Variants in SYN2 observed in about 807,000 individuals in gnomAD.
SYN2 encodes the protein synapsin II, also known as synapsin-2.
SYN2 carries 19 observed loss-of-function variants against 50.9 expected under a neutral mutation model. The ratio of observed to expected loss-of-function variants is 0.37; its 90% CI spans 0.26 to 0.55. SYN2 has a LOEUF of 0.55. Among genes scored for constraint, SYN2 ranks in the 20% least tolerant of loss-of-function variants. The pLI, the probability that SYN2 is intolerant of heterozygous loss-of-function variation, is 0.81. For synonymous variants in SYN2, 255 were observed against 224.9 expected, an observed-to-expected ratio of 1.13 and a Z score of -1.20; for missense variants, 587 against 576.4, an observed-to-expected ratio of 1.02 and a Z score of -0.19.
At position 12,048,957 on chromosome 3, in the gene SYN2, C is replaced by T. The variant is rs143395578; in HGVS notation, c.377+44029C>T. 1.0e-3 allele frequency among the ~76,000 whole-genome samples: 153 copies of T among 152,188 alleles called. 2 individuals are homozygous for T. In the East Asian group the frequency reaches 0.023, roughly 23 times the overall value. Reference sequence around the variant, plus strand: ...ACTTGCAGACCTAAACCGTGGGAACCTATATGTCAGTCTTTTCAGTTCTGT... The same window carrying T: ...ACTTGCAGACCTAAACCGTGGGAACTTATATGTCAGTCTTTTCAGTTCTGT... On this transcript the variant is annotated intron_variant, in intron 1 of 12. Transcript: ENST00000621198.
At chr3:12,190,400 G>A (rs553910017) in intron 12 of SYN2, 90 bp from the exon 13 acceptor site, 3 of 1,461,004 alleles carry the variant, frequency 2.1e-6, no homozygotes, top group Admixed American at 1.8e-5. Context: ...AGGGAGTGGG[G>A]GTTCTAGCTG....
rs144202224 is a variant in SYN2 at position 12,097,328 on chromosome 3, C to T, written c.378-43323C>T. ...TTAAGAAAATGTGGCACATAATGGC[C>T]GGGTGCGGTGGCTAATGCTTGTAAT... On this transcript the variant is annotated intron_variant, in intron 1 of 12. Coordinates refer to ENST00000621198, the MANE Select transcript of SYN2 (RefSeq NM_133625.6). Among the ~76,000 whole-genome samples the T allele has an allele frequency of 7.0e-3, 1,061 of 152,222 alleles. 10 individuals carry two copies. Among genetic ancestry groups the T allele is most frequent in the African/African-American group, 0.024 (1,012 of 41,548 alleles).
In SYN2 at chr3:12,120,954, C is replaced by T. The variant is rs532048834; in HGVS notation, c.378-19697C>T. Among the ~76,000 whole-genome samples, 60 of 152,276 alleles carry T rather than the reference C, an allele frequency of 3.9e-4. 1 individual carries two copies. In the South Asian group the frequency reaches 0.012, roughly 31 times the overall value. ...TCTGAATTTCCAACCTTGCGCAATC[C>T]CCCTCTGTTATAGTATCATAACTTT... On this transcript the variant is annotated intron_variant, in intron 1 of 12. Coordinates refer to ENST00000621198, the MANE Select transcript of SYN2 (RefSeq NM_133625.6).
chr3:12,173,685 G>A (rs970133696), intron 10 of SYN2, among the ~76,000 whole-genome samples: 1 of 152,154 alleles, frequency 6.6e-6, no homozygotes, highest in Non-Finnish European at 1.5e-5. Context: ...GGAGGCCGAG[G>A]CAGGTAGATC....
At chr3:12,176,297 C>T (rs13070993) in intron 10 of SYN2, among the ~76,000 whole-genome samples, 6,841 of 152,276 alleles carry the variant, frequency 0.045, 201 homozygotes, top group Non-Finnish European at 0.066. Context: ...CTGGTCCTCT[C>T]CTTCATGTGG....
chr3:12,153,660 AGGCACTCGT>A (rs1697370416), intron 5 of SYN2: 2 of 1,614,064 alleles, frequency 1.2e-6, no homozygotes. Flanking sequence ...GTCTGTCCAG[AGGCACTCGT>A]TAGGGGCCGA....
At chr3:12,145,144 G>C (rs148219643) in intron 3 of SYN2, among the ~76,000 whole-genome samples, 41 of 152,320 alleles carry the variant, frequency 2.7e-4, no homozygotes, top group African/African-American at 9.9e-4. Flanking sequence ...GCTCATGCAT[G>C]CACTCCCAGC....
At chr3:12,163,701 C>A (rs890621054) in intron 7 of SYN2, among the ~76,000 whole-genome samples, 3 of 152,096 alleles carry the variant, frequency 2.0e-5, no homozygotes, top group African/African-American at 7.2e-5. Context: ...CCTTTATTGT[C>A]TAGATTTGTA....
chr3:12,018,417 C>T (rs1692078454), intron 1 of SYN2, among the ~76,000 whole-genome samples: 2 of 152,184 alleles, frequency 1.3e-5, no homozygotes, highest in African/African-American at 4.8e-5. Flanking sequence ...TTTCTTGAGG[C>T]TTCCTAGACT....
intron 1 of SYN2, among the ~76,000 whole-genome samples, chr3:12,119,207 C>A (rs1053084909): frequency 4.6e-5 from 7 of 151,458 alleles, no homozygotes; most frequent in African/African-American, 1.7e-4. Flanking sequence ...TGTCAGCTAT[C>A]CTTCCTTGGT....
chr3:12,070,305 C>G (rs1332537970), intron 1 of SYN2: 1 of 499,888 alleles, frequency 2.0e-6, no homozygotes, highest in African/African-American at 2.0e-5. Context: ...ACGACGCCCC[C>G]TGAGCCGTGT....
intron 1 of SYN2, among the ~76,000 whole-genome samples, chr3:12,095,685 C>G (rs1334742631): frequency 6.8e-6 from 1 of 147,554 alleles, no homozygotes; most frequent in Non-Finnish European, 1.5e-5. Context: ...TTTCCCCCTA[C>G]TTGGTGGCTG....
intron 1 of SYN2, among the ~76,000 whole-genome samples, chr3:12,010,864 A>G (rs1348118819): frequency 1.3e-5 from 2 of 152,314 alleles, no homozygotes; most frequent in Admixed American, 6.5e-5. Context: ...CATTATTGCT[A>G]CCATATGTTA....
intron 1 of SYN2, among the ~76,000 whole-genome samples, chr3:12,103,686 C>T (rs1208056562): frequency 6.6e-6 from 1 of 152,146 alleles, no homozygotes; most frequent in Non-Finnish European, 1.5e-5. Context: ...TAACTTCAAG[C>T]TTGGTCACAG....
intron 1 of SYN2, among the ~76,000 whole-genome samples, chr3:12,116,383 G>A (rs186948203): frequency 4.6e-5 from 7 of 152,240 alleles, no homozygotes; most frequent in African/African-American, 9.6e-5. Context: ...AAGGTTGCCC[G>A]GAAAGCAGAG....
chr3:12,050,981 C>T (rs569181629), intron 1 of SYN2, among the ~76,000 whole-genome samples: 3 of 144,066 alleles, frequency 2.1e-5, no homozygotes, highest in South Asian at 2.3e-4. Flanking sequence ...ATGATCCACC[C>T]GCCTCGGCCT....
At chr3:12,081,868 C>G (rs1032897226) in intron 1 of SYN2, among the ~76,000 whole-genome samples, 14 of 152,240 alleles carry the variant, frequency 9.2e-5, no homozygotes, top group Middle Eastern at 3.4e-3. Flanking sequence ...GTGAGCTTTC[C>G]TATAGCTCAC....
At chr3:12,129,209 T>A (rs1696736573) in intron 1 of SYN2, among the ~76,000 whole-genome samples, 1 of 151,794 alleles carries the variant, frequency 6.6e-6, no homozygotes. Context: ...AGTAGAAACA[T>A]AGGAGGGAAT....
intron 5 of SYN2, among the ~76,000 whole-genome samples, chr3:12,151,665 A>C (rs1697296787): frequency 6.6e-6 from 1 of 152,326 alleles, no homozygotes; most frequent in Non-Finnish European, 1.5e-5. Context: ...CACTGTGTGC[A>C]GTTTCCAATA....
Sources: gnomAD v4.1 joint callset for allele counts (sites outside exome capture counted in the v4.1 genomes callset) on GRCh38, gnomAD v4.1.1 for gene constraint, MANE v1.5 for transcripts, NCBI Gene and HGNC (gene_info 2026-07-23, HGNC 2026-07-21) for gene names.